MKLN1: variants seen among roughly 807,000 people sequenced by gnomAD.
The protein encoded by MKLN1 is muskelin.
In MKLN1, 18 loss-of-function variants were observed where a neutral mutation model predicts 99.0. The observed-to-expected ratio is 0.18, with a 90% CI of 0.13 to 0.27. MKLN1 has a LOEUF of 0.27. Among genes scored for constraint, MKLN1 ranks in the 10% least tolerant of loss-of-function variants. MKLN1 has a pLI of 1.00. For synonymous variants in MKLN1, 288 were observed against 293.2 expected (o/e 0.98, Z 0.18); for missense variants, 621 against 875.9 (o/e 0.71, Z 3.67).
chr7:131,126,684 G>A (rs969820054), intron 1 of MKLN1, among the ~76,000 whole-genome samples: 1 of 152,294 alleles, frequency 6.6e-6, no homozygotes. Context: ...CTCCCAAGTA[G>A]CTGGAGTTAC....
intron 2 of MKLN1, among the ~76,000 whole-genome samples, chr7:131,145,325 T>C (rs1366237233): frequency 6.6e-6 from 1 of 152,118 alleles, no homozygotes; most frequent in Non-Finnish European, 1.5e-5. Flanking sequence ...GGCTTACAGC[T>C]ACACACGGCA....
At chr7:131,429,615 A>G (rs147875479) in intron 9 of MKLN1, among the ~76,000 whole-genome samples, 1,956 of 152,102 alleles carry the variant, frequency 0.013, 50 homozygotes, top group African/African-American at 0.044. Flanking sequence ...GTCTTGCTCT[A>G]TCGCCCAGGC....
intron 3 of MKLN1, among the ~76,000 whole-genome samples, chr7:131,298,786 C>T (rs77963950): frequency 0.049 from 7,498 of 152,222 alleles, 272 homozygotes; most frequent in Non-Finnish European, 0.071. Flanking sequence ...GTTATTAAAT[C>T]GATGGAGCAA....
chr7:131,286,080 A>T (rs564336541), intron 3 of MKLN1, among the ~76,000 whole-genome samples: 1 of 151,660 alleles, frequency 6.6e-6, no homozygotes, highest in African/African-American at 2.4e-5. Flanking sequence ...CCTCCCAAGG[A>T]GCTGGGATTA....
intron 3 of MKLN1, among the ~76,000 whole-genome samples, chr7:131,305,434 C>T (rs972363187): frequency 2.0e-5 from 3 of 152,284 alleles, no homozygotes; most frequent in Admixed American, 6.5e-5. Flanking sequence ...GTGATGCAAT[C>T]CAACAGGATG....
At chr7:131,258,029 C>T (rs1188907725) in intron 3 of MKLN1, among the ~76,000 whole-genome samples, 1 of 151,234 alleles carries the variant, frequency 6.6e-6, no homozygotes, top group Non-Finnish European at 1.5e-5. Flanking sequence ...GCTGAGGCAG[C>T]AGGATTGCTT....
At chr7:131,351,159 G>A (rs2116763130) in intron 1 of MKLN1, among the ~76,000 whole-genome samples, 1 of 152,090 alleles carries the variant, frequency 6.6e-6, no homozygotes, top group South Asian at 2.1e-4. Flanking sequence ...GAGGCAAGAG[G>A]ATTGCTTGAG....
chr7:131,357,274 C>T (rs374497237), intron 1 of MKLN1, among the ~76,000 whole-genome samples: 2 of 152,056 alleles, frequency 1.3e-5, no homozygotes, highest in Non-Finnish European at 1.5e-5. Flanking sequence ...CTGACAGTTT[C>T]GAGGAGTACT....
At chr7:131,235,908 T>G (rs1797314715) in intron 3 of MKLN1, among the ~76,000 whole-genome samples, 1 of 152,206 alleles carries the variant, frequency 6.6e-6, no homozygotes, top group South Asian at 2.1e-4. Context: ...CTTCCCACCG[T>G]CACCTTGGAA....
At chr7:131,466,900 CAT>C (rs1364940284) in intron 15 of MKLN1, among the ~76,000 whole-genome samples, 19 of 148,854 alleles carry the variant, frequency 1.3e-4, no homozygotes, top group South Asian at 8.5e-4. Flanking sequence ...CATATATATA[CAT>C]ATACACACAC....
chr7:131,440,259 AG>A (rs1371706428), intron 10 of MKLN1, among the ~76,000 whole-genome samples: 12 of 152,212 alleles, frequency 7.9e-5, no homozygotes, highest in African/African-American at 1.2e-4. Context: ...TGCAATGGCC[AG>A]TAAGAAACCT....
At chr7:131,172,751 T>C (rs1414913667) in intron 2 of MKLN1, among the ~76,000 whole-genome samples, 1 of 152,240 alleles carries the variant, frequency 6.6e-6, no homozygotes, top group Non-Finnish European at 1.5e-5. Context: ...GGTTCTGATG[T>C]ATACAAACCT....
chr7:131,254,644 A>T (rs1339171328), intron 3 of MKLN1, among the ~76,000 whole-genome samples: 1 of 150,090 alleles, frequency 6.7e-6, no homozygotes, highest in Non-Finnish European at 1.5e-5. Flanking sequence ...ATTGAAAAGT[A>T]CAAAACTAAA....
intron 6 of MKLN1, among the ~76,000 whole-genome samples, chr7:131,409,971 A>C (rs1794828074): frequency 1.3e-5 from 2 of 152,138 alleles, no homozygotes; most frequent in Non-Finnish European, 2.9e-5. Context: ...GAATAAAAGT[A>C]GATTTTTTTT....
chr7:131,463,390 A>T, intron 13 of MKLN1, 26 bp downstream of exon 13: 1 of 1,593,912 alleles, frequency 6.3e-7, no homozygotes, highest in Middle Eastern at 1.7e-4. Context: ...CTCTGCTGCA[A>T]TCCCAATGTA....
intron 4 of MKLN1, among the ~76,000 whole-genome samples, chr7:131,396,283 G>A (rs190982726): frequency 6.6e-6 from 1 of 152,170 alleles, no homozygotes; most frequent in Non-Finnish European, 1.5e-5. Context: ...GTGTTTGCCA[G>A]GCTGGTTTTG....
chr7:131,227,380 C>CT (rs11399331), intron 3 of MKLN1, among the ~76,000 whole-genome samples: 12,771 of 149,940 alleles, frequency 0.085, 601 homozygotes, highest in Middle Eastern at 0.12. Context: ...CTTTTTCTTT[C>CT]TTTTTTTTCT....
intron 3 of MKLN1, among the ~76,000 whole-genome samples, chr7:131,259,787 CT>C (rs752412534): frequency 6.6e-6 from 1 of 152,048 alleles, no homozygotes; most frequent in Non-Finnish European, 1.5e-5. Flanking sequence ...ATTTCCAGAA[CT>C]TTTTTATTAT....
chr7:131,405,976 T>C (rs1054716179), intron 6 of MKLN1, among the ~76,000 whole-genome samples: 2 of 152,100 alleles, frequency 1.3e-5, no homozygotes, highest in Non-Finnish European at 2.9e-5. Context: ...AATAAGAATT[T>C]TCTGTCTGAT....
Sources: gnomAD v4.1 joint callset for allele counts (sites outside exome capture counted in the v4.1 genomes callset) on GRCh38, gnomAD v4.1.1 for gene constraint, MANE v1.5 for transcripts, NCBI Gene and HGNC (gene_info 2026-07-23, HGNC 2026-07-21) for gene names.